Variants in SOS2 observed in about 807,000 individuals in gnomAD.
The protein encoded by SOS2 is SOS Ras/Rho guanine nucleotide exchange factor 2.
In SOS2, 65 loss-of-function variants were observed where a neutral mutation model predicts 148.2. The observed-to-expected ratio is 0.44, with a 90% CI of 0.36 to 0.54. The LOEUF is 0.54. Ranked by LOEUF, SOS2 falls within the 20% of genes least tolerant of loss-of-function variation. The pLI is 0.00. For synonymous variants in SOS2, 539 were observed against 537.1 expected, an observed-to-expected ratio of 1.00 and a Z score of -0.05; for missense variants, 1,341 against 1,590.2, an observed-to-expected ratio of 0.84 and a Z score of 2.67.
chr14:50,126,897 G>A (rs1316571970), intron 21 of SOS2, among the ~76,000 whole-genome samples: 3 of 100,962 alleles, frequency 3.0e-5, no homozygotes, highest in Admixed American at 2.4e-4. Flanking sequence ...GGCTCATTAA[G>A]TAGATGACAA....
At chr14:50,141,836 G>C (rs1015849357) in intron 16 of SOS2, among the ~76,000 whole-genome samples, 1 of 152,024 alleles carries the variant, frequency 6.6e-6, no homozygotes, top group Non-Finnish European at 1.5e-5. Flanking sequence ...GATTGGCGAG[G>C]ATTTGCCCTA....
At position 50,228,945 on chromosome 14, in the gene SOS2, A is replaced by G. The variant is rs142331515; in HGVS notation, c.87+2252T>C. ...CCAATTGAAGGAGAGAGATATTCCA[A>G]TCAAATCCTAGTTGTCTTTGTAACG... On this transcript the variant is annotated intron_variant, in intron 1 of 22. Coordinates refer to ENST00000216373, the MANE Select transcript of SOS2 (RefSeq NM_006939.4). Among the ~76,000 whole-genome samples, 488 of 152,354 alleles carry G rather than the reference A, an allele frequency of 3.2e-3. 2 individuals carry two copies. The highest frequency in any genetic ancestry group is 0.011 in the African/African-American group (438 of 41,580).
chr14:50,223,258 G>A (rs1441696072), intron 1 of SOS2, among the ~76,000 whole-genome samples: 3 of 152,120 alleles, frequency 2.0e-5, no homozygotes, highest in Non-Finnish European at 4.4e-5. Flanking sequence ...AAAGTTGGCC[G>A]GGTGTGGTGC....
intron 16 of SOS2, 77 bp from the exon 17 acceptor site, chr14:50,140,136 T>A (rs1051438298): frequency 8.0e-6 from 6 of 752,530 alleles, no homozygotes; most frequent in Non-Finnish European, 6.5e-6. Flanking sequence ...TTAAATTTTA[T>A]AAAATTTTGC....
chr14:50,223,526 T>A (rs1416130704), intron 1 of SOS2, among the ~76,000 whole-genome samples: 1 of 150,318 alleles, frequency 6.7e-6, no homozygotes, highest in Non-Finnish European at 1.5e-5. Flanking sequence ...TACAAAAAAA[T>A]TACCTGGGCG....
At chr14:50,202,558 AC>A (rs1306217068) in intron 2 of SOS2, among the ~76,000 whole-genome samples, 2 of 151,810 alleles carry the variant, frequency 1.3e-5, no homozygotes, top group Non-Finnish European at 2.9e-5. Flanking sequence ...ATGTAGGGAG[AC>A]CCTGTCTCTA....
At chr14:50,144,718 G>A (rs1026262024) in intron 16 of SOS2, among the ~76,000 whole-genome samples, 4 of 152,110 alleles carry the variant, frequency 2.6e-5, no homozygotes, top group Non-Finnish European at 2.9e-5. Context: ...GATTACAGGC[G>A]TGAGCCACCA....
At chr14:50,165,877 G>A (rs940602546) in intron 8 of SOS2, among the ~76,000 whole-genome samples, 1 of 152,160 alleles carries the variant, frequency 6.6e-6, no homozygotes, top group Non-Finnish European at 1.5e-5. Context: ...TACAGATGAA[G>A]GAAATGAGGC....
At chr14:50,185,420 G>T (rs147957969) in intron 5 of SOS2, among the ~76,000 whole-genome samples, 1 of 152,036 alleles carries the variant, frequency 6.6e-6, no homozygotes, top group South Asian at 2.1e-4. Context: ...GGTCAGGCGC[G>T]GTGGCTCATG....
chr14:50,123,448 C>T (rs8015633), intron 21 of SOS2, among the ~76,000 whole-genome samples: 1,415 of 132,492 alleles, frequency 0.011, 20 homozygotes, highest in African/African-American at 0.039. Context: ...GTGGTGTGAT[C>T]TCAGCTCACT....
In SOS2 at chr14:50,161,621, C is replaced by T. The variant is rs1555370261; in HGVS notation, c.1069-12G>A. 1 of 1,607,426 alleles carries T rather than the reference C, an allele frequency of 6.2e-7. No homozygotes were observed. The highest frequency in any genetic ancestry group is 2.2e-5 in the East Asian group (1 of 44,766). On this transcript the variant is annotated splice_polypyrimidine_tract_variant and intron_variant, in intron 8 of 22. Transcript: ENST00000216373. ...CATGCTTTCAATTGCTAAGAAAAAA[C>T]AGAAAGAAAAATCAAAACTGCATTG... is the stretch of plus-strand genomic sequence containing the variant.
At chr14:50,145,112 C>A in intron 16 of SOS2, 58 bp downstream of exon 16, 2 of 973,856 alleles carry the variant, frequency 2.1e-6, no homozygotes, top group South Asian at 3.1e-5. Context: ...GATGAAATTT[C>A]TTTTATGCTA....
intron 12 of SOS2, among the ~76,000 whole-genome samples, chr14:50,155,320 A>T (rs1404461994): frequency 6.6e-6 from 1 of 152,140 alleles, no homozygotes; most frequent in Non-Finnish European, 1.5e-5. Flanking sequence ...CCATACAGGT[A>T]ATCTCATCTA....
Position 50,159,691 on chromosome 14 carries a change from T to C in SOS2, c.1592A>G (p.Glu531Gly), listed in dbSNP as rs778331065. The change falls in exon 10 of 23, where the codon GAA becomes GGA. Residue 531 changes from glutamate (E) to glycine (G), a missense_variant. Around this residue, in one of 4 missense-constraint regions of SOS2, gnomAD observed 574 missense variants for 711.1 expected, o/e 0.81. Transcript: ENST00000216373. The part of the protein sequence containing the change: ...SIIFAAKSAE[E>G]KNNWMAALIS... Reference sequence around the variant, plus strand: ...AAGGGCTGCCATCCAGTTGTTTTTTTCTTCAGCAGACTTAGCAGCAAATAT... The same window carrying C: ...AAGGGCTGCCATCCAGTTGTTTTTTCCTTCAGCAGACTTAGCAGCAAATAT... The C allele has an allele frequency of 6.2e-7, 1 of 1,614,182 alleles. No homozygotes were observed. The highest frequency in any genetic ancestry group is 8.5e-7 in the Non-Finnish European group (1 of 1,180,020).
rs1885620042 is a variant in SOS2 at position 50,178,707 on chromosome 14, T to TGC, written c.969+1864_969+1865insGC. ...ATATATATATATATATATATATATA[T>TGC]ATATACACACATATACACACACATA... On this transcript the variant is annotated intron_variant, in intron 7 of 22. Transcript: ENST00000216373. Among the ~76,000 whole-genome samples the TGC allele has an allele frequency of 4.6e-4, 60 of 130,656 alleles. No individual in the cohort carries two copies. The Admixed American group carries it at 4.7e-3, about 10-fold the overall frequency. The allele number at this position is 130,656 out of a possible 152,430, so 85.7% of individuals were successfully genotyped here. A position where few individuals can be genotyped will look rare whatever the true frequency, so the allele number is the denominator to read the frequency against.
chr14:50,144,510 T>C (rs952912030), intron 16 of SOS2, among the ~76,000 whole-genome samples: 2 of 152,122 alleles, frequency 1.3e-5, no homozygotes, highest in African/African-American at 4.8e-5. Flanking sequence ...TGATCTCAGC[T>C]CACTGCAAAT....
intron 21 of SOS2, among the ~76,000 whole-genome samples, chr14:50,124,980 A>C (rs1430658209): frequency 6.6e-6 from 1 of 152,246 alleles, no homozygotes; most frequent in East Asian, 1.9e-4. Flanking sequence ...TAATGTCTAG[A>C]ATTCCTACTT....
intron 1 of SOS2, among the ~76,000 whole-genome samples, chr14:50,227,054 T>C (rs1450975026): frequency 6.6e-6 from 1 of 152,166 alleles, no homozygotes; most frequent in Non-Finnish European, 1.5e-5. Context: ...ATGTTAACAA[T>C]CCATGCATTA....
rs116162949 is a variant in SOS2 at position 50,150,064 on chromosome 14, T to C, written c.2328A>G (p.Thr776=). 1.8e-5 allele frequency: 29 copies of C among 1,614,064 alleles called. No individual in the cohort carries two copies. In the African/African-American group the frequency reaches 3.7e-4, roughly 21 times the overall value. The change falls in exon 14 of 23, where the codon ACA becomes ACG. Residue 776 remains threonine, a synonymous_variant. Coordinates refer to ENST00000216373, the MANE Select transcript of SOS2 (RefSeq NM_006939.4). ...PGQFETFDLM[T]LHPIEIARQL... The stretch of plus-strand genomic sequence containing the variant: ...GACGTGCAATTTCTATTGGATGAAG[T>C]GTCATGAGATCAAATGTTTCAAACT...
Sources: gnomAD v4.1 joint callset for allele counts (sites outside exome capture counted in the v4.1 genomes callset) on GRCh38, gnomAD v4.1.1 for gene constraint, gnomAD v4.1.1 regional missense constraint, MANE v1.5 for transcripts, NCBI Gene and HGNC (gene_info 2026-07-23, HGNC 2026-07-21) for gene names.